The following PHKA2 variants were observed in gnomAD, a reference collection of about 807,000 sequenced individuals.
The protein encoded by PHKA2 is phosphorylase kinase regulatory subunit alpha 2.
In PHKA2, 31 loss-of-function variants were observed where a neutral mutation model predicts 102.0. The observed-to-expected ratio is 0.30, with a 90% CI of 0.23 to 0.41. The LOEUF is 0.41. Among genes scored for constraint, PHKA2 ranks in the 10% least tolerant of loss-of-function variants. The probability of loss-of-function intolerance (pLI) is 1.00; values close to 1 mark genes in which losing one functional copy is unlikely to be tolerated. For missense variants in PHKA2, 858 were observed against 1,023.1 expected (o/e 0.84, Z 2.20); for synonymous variants, 455 against 416.2 (o/e 1.09, Z -1.13).
intron 1 of PHKA2, among the ~76,000 whole-genome samples, chrX:18,972,670 T>A (rs1227371145): frequency 1.8e-5 from 2 of 112,165 alleles, no homozygotes; most frequent in Non-Finnish European, 3.8e-5. Flanking sequence ...ATTTACGAAT[T>A]GTTTGTGGCT....
At position 18,925,741 on chromosome X, in the gene PHKA2, T is replaced by C. The variant is rs1418784355; in HGVS notation, c.1496A>G (p.Tyr499Cys). ...GGTTCCAAGGACACCAATATGTCGA[T>C]ACGGTCGCCCACTCAAATTCATATT... is the stretch of plus-strand genomic sequence containing the variant. The part of the protein sequence containing the change: ...NKNMNLSGRP[Y>C]RHIGVLGTSK... Residue 499 changes from tyrosine (Y) to cysteine (C), a missense_variant, in exon 15 of 33, where the codon TAT becomes TGT. This residue lies in a region of PHKA2 where 671 missense variants were observed against 745.2 expected (regional missense o/e 0.90). Transcript: ENST00000379942. 8.4e-7 allele frequency: 1 copy of C among 1,195,083 alleles called. No homozygotes were observed. Among genetic ancestry groups the C allele is most frequent in the Non-Finnish European group, 1.1e-6 (1 of 880,289 alleles).
intron 31 of PHKA2, 108 bp from the exon 32 acceptor site, chrX:18,894,512 C>A: frequency 4.5e-6 from 3 of 664,994 alleles, no homozygotes; most frequent in Non-Finnish European, 7.1e-6. Context: ...GCTCGGGGCT[C>A]AGCGCCACTG....
At chrX:18,947,499 C>G (rs911228953) in intron 5 of PHKA2, among the ~76,000 whole-genome samples, 1 of 112,395 alleles carries the variant, frequency 8.9e-6, no homozygotes, top group Non-Finnish European at 1.9e-5. Flanking sequence ...TGGGGCGACG[C>G]TCATGGCATC....
chrX:18,929,867 T>C (rs140719579), intron 12 of PHKA2, among the ~76,000 whole-genome samples: 2,695 of 111,735 alleles, frequency 0.024, 30 homozygotes, highest in Non-Finnish European at 0.032. Context: ...CCTACAAATA[T>C]TCTCTGTAAA....
intron 4 of PHKA2, among the ~76,000 whole-genome samples, chrX:18,950,211 C>T (rs982056100): frequency 1.8e-5 from 2 of 111,891 alleles, no homozygotes; most frequent in African/African-American, 3.2e-5. Context: ...GCTGCTCAGC[C>T]CGCTCTGGGC....
At position 18,926,529 on chromosome X, in the gene PHKA2, G is replaced by A. The variant is rs776224815; in HGVS notation, c.1383C>T (p.Asn461=). ...GATGAATGTCCGCGATACTCTGGAC[G>A]TTCACCCCGTGTTTCCTCAATAAGT... is the stretch of plus-strand genomic sequence containing the variant. ...IKDLLRKHGV[N]VQSIADIHPI... The change falls in exon 14 of 33, where the codon AAC becomes AAT. Residue 461 remains asparagine (N), a synonymous_variant. Coordinates refer to ENST00000379942, the MANE Select transcript of PHKA2 (RefSeq NM_000292.3). 8 of 1,198,457 alleles carry A rather than the reference G, an allele frequency of 6.7e-6. No homozygotes were observed. The African/African-American group carries it at 8.7e-5, about 13-fold the overall frequency.
At chrX:18,958,193 A>AT (rs1384462379) in intron 1 of PHKA2, among the ~76,000 whole-genome samples, 1 of 111,352 alleles carries the variant, frequency 9.0e-6, no homozygotes, top group Non-Finnish European at 1.9e-5. Context: ...GGATGGTGGG[A>AT]TCATATGATA....
chrX:18,958,835 G>A (rs990279449), intron 1 of PHKA2, among the ~76,000 whole-genome samples: 4 of 111,108 alleles, frequency 3.6e-5, no homozygotes, highest in Non-Finnish European at 3.8e-5. Context: ...TCAGTCACTC[G>A]AGTAGCTGGG....
At chrX:18,918,571 G>T in intron 19 of PHKA2, 110 bp downstream of exon 19, 1 of 719,541 alleles carries the variant, frequency 1.4e-6, no homozygotes, top group Non-Finnish European at 2.2e-6. Context: ...GTAGAAGCAC[G>T]TGGGGGGCAT....
chrX:18,983,122 A>G (rs778420833), intron 1 of PHKA2, among the ~76,000 whole-genome samples: 1 of 112,388 alleles, frequency 8.9e-6, no homozygotes, highest in Admixed American at 9.4e-5. Flanking sequence ...TGAAGGCCCT[A>G]TAAATAGTTG....
chrX:18,901,758 C>G (rs1201801202), intron 26 of PHKA2, among the ~76,000 whole-genome samples, 155 bp from the exon 27 acceptor site: 2 of 110,838 alleles, frequency 1.8e-5, no homozygotes, highest in Non-Finnish European at 3.8e-5. Context: ...GTGCAGCACT[C>G]AGCTCTTAAA....
At chrX:18,933,724 T>A (rs945545216) in intron 11 of PHKA2, among the ~76,000 whole-genome samples, 5 of 112,062 alleles carry the variant, frequency 4.5e-5, no homozygotes, top group Admixed American at 9.4e-5. Context: ...CCTTCCCAGC[T>A]GTCATCTGGA....
chrX:18,905,020 C>G lies in PHKA2; in HGVS notation c.2908+738G>C, dbSNP rs191119690. Among the ~76,000 whole-genome samples, 684 of 111,519 alleles carry G rather than the reference C, an allele frequency of 6.1e-3. 17 individuals are homozygous for G. Among genetic ancestry groups the G allele is most frequent in the Admixed American group, 0.061 (638 of 10,530 alleles). Reference sequence around the variant, plus strand: ...CAGGACAAAGCAAAATAAGTTAGCTCGAGCATGCTGAGGTCACAGAGGGGT... The same window carrying G: ...CAGGACAAAGCAAAATAAGTTAGCTGGAGCATGCTGAGGTCACAGAGGGGT... On this transcript the variant is annotated intron_variant, in intron 26 of 32. Coordinates refer to ENST00000379942, the MANE Select transcript of PHKA2 (RefSeq NM_000292.3).
Position 18,907,087 on chromosome X carries a change from T to A in PHKA2, c.2528A>T (p.Asp843Val). ...KVEVLAEACT[D>V]LLSHQKQLTV... ...GAGCTGCTTCTGGTGCGAAAGCAGG[T>A]CTGTGCAGGCCTGCGCAGTTAAGGG... Residue 843 changes from aspartate to valine, a missense_variant, in exon 23 of 33, where the codon GAC becomes GTC. Asp to Val is a radical substitution (Grantham distance 152, BLOSUM62 -3). Transcript: ENST00000379942. 8.4e-7 allele frequency: 1 copy of A among 1,184,000 alleles called. No homozygotes were observed.
chrX:18,912,435 T>C (rs1200879870), intron 19 of PHKA2, among the ~76,000 whole-genome samples: 1 of 110,983 alleles, frequency 9.0e-6, no homozygotes, highest in Non-Finnish European at 1.9e-5. Context: ...TGTAACACAA[T>C]AGTATTTGTG....
intron 1 of PHKA2, among the ~76,000 whole-genome samples, chrX:18,973,872 T>C (rs1409638718): frequency 8.9e-6 from 1 of 111,906 alleles, no homozygotes; most frequent in Non-Finnish European, 1.9e-5. Context: ...CCAACGATTA[T>C]CTAGAAATCC....
chrX:18,903,275 C>T (rs185707599), intron 26 of PHKA2, among the ~76,000 whole-genome samples: 3 of 112,501 alleles, frequency 2.7e-5, no homozygotes, highest in East Asian at 5.6e-4. Flanking sequence ...GACTGGTCAA[C>T]AATATACCCA....
chrX:18,942,427 T>C (rs2048507974), intron 7 of PHKA2, among the ~76,000 whole-genome samples: 1 of 111,908 alleles, frequency 8.9e-6, no homozygotes, highest in South Asian at 3.7e-4. Flanking sequence ...GGGTACCATG[T>C]CCAATTCACA....
intron 1 of PHKA2, among the ~76,000 whole-genome samples, chrX:18,955,138 T>C (rs773567983): frequency 3.5e-5 from 4 of 112,783 alleles, no homozygotes; most frequent in South Asian, 3.6e-4. Context: ...ATGCGGTCTA[T>C]ACAAACAATG....
Sources: gnomAD v4.1 joint callset for allele counts (sites outside exome capture counted in the v4.1 genomes callset) on GRCh38, gnomAD v4.1.1 for gene constraint, gnomAD v4.1.1 regional missense constraint, MANE v1.5 for transcripts, NCBI Gene and HGNC (gene_info 2026-07-23, HGNC 2026-07-21) for gene names.